HAS3: variants seen among roughly 807,000 people sequenced by gnomAD.
HAS3 encodes the protein hyaluronan synthase 3, also known as HA synthase 3.
A neutral mutation model predicts 50.3 loss-of-function variants in HAS3; 27 were observed. That is an observed-to-expected ratio of 0.54 (90% CI 0.40 to 0.74). HAS3 has a LOEUF of 0.74. Ranked by LOEUF, HAS3 falls within the 30% of genes least tolerant of loss-of-function variation. The probability of loss-of-function intolerance (pLI) is 0.00; values close to 1 mark genes in which losing one functional copy is unlikely to be tolerated. For missense variants in HAS3, 517 were observed against 742.8 expected (o/e 0.70, Z 3.53); for synonymous variants, 339 against 310.9 (o/e 1.09, Z -0.95).
At position 69,116,909 on chromosome 16, in the gene HAS3, C is replaced by G; in HGVS notation, c.*1643C>G. Reference sequence around the variant, plus strand: ...GGACAGCAGACAAGAGGGCAAGCCTCTAGTGTACCAAGTGCTTCCTACAAA... The same window carrying G: ...GGACAGCAGACAAGAGGGCAAGCCTGTAGTGTACCAAGTGCTTCCTACAAA... On this transcript the variant is annotated 3_prime_UTR_variant, in exon 4 of 4. Transcript: ENST00000569188. The G allele has an allele frequency of 3.0e-6, 3 of 985,438 alleles. No individual in the cohort carries two copies. The South Asian group carries it at 1.4e-4, about 46-fold the overall frequency. 61.0% of individuals were successfully genotyped at this position (985,438 alleles called of 1,614,324 possible).
chr16:69,090,714 C>T, the HAS3 span, among the ~76,000 whole-genome samples: 2 of 149,718 alleles, frequency 1.3e-5, no homozygotes, highest in Admixed American at 6.6e-5. Flanking sequence ...ACTACAGGGG[C>T]GTGCTACCAC....
At position 69,114,816 on chromosome 16, in the gene HAS3, C is replaced by T; in HGVS notation, c.1212C>T (p.Gly404=). Residue 404 remains glycine (G), a synonymous_variant, in exon 4 of 4, where the codon GGC becomes GGT. Coordinates refer to ENST00000569188, the MANE Select transcript of HAS3 (RefSeq NM_001199280.2). This position sits in a 1 kb window ranked among gnomAD's most constrained non-coding sequence, Gnocchi z 6.4. ...CGGTTATACAGCTTTTCTACCGGGG[C>T]CGCATCTGGAACATTCTCCTCTTCC... ...IATVIQLFYR[G]RIWNILLFLL... is the part of the protein sequence containing the mutation. 2 of 1,614,110 alleles carry T rather than the reference C, an allele frequency of 1.2e-6. No individual in the cohort carries two copies. The highest frequency in any genetic ancestry group is 1.7e-6 in the Non-Finnish European group (2 of 1,180,018).
chr16:69,105,372 T>C (rs965433383), upstream of HAS3, among the ~76,000 whole-genome samples: 3 of 152,004 alleles, frequency 2.0e-5, no homozygotes, highest in African/African-American at 7.2e-5. Flanking sequence ...ACTCACTTCA[T>C]CTCACTTTAC....
the HAS3 span, among the ~76,000 whole-genome samples, chr16:69,090,765 G>A: frequency 6.6e-6 from 1 of 152,156 alleles, no homozygotes; most frequent in Non-Finnish European, 1.5e-5. Flanking sequence ...TAGAGACAGG[G>A]TTTCGCCATG....
Position 69,115,354 on chromosome 16 carries a change from G to C in HAS3, c.*88G>C. 2 of 1,456,318 alleles carry C rather than the reference G, an allele frequency of 1.4e-6. No individual in the cohort carries two copies. Among genetic ancestry groups the C allele is most frequent in the Non-Finnish European group, 1.8e-6 (2 of 1,110,234 alleles). The allele number at this position is 1,456,318 out of a possible 1,614,324, so 90.2% of individuals were successfully genotyped here. ...AAAAGACAGGGTGGGAGGGAGGAGG[G>C]AGTGCTGTGTTTTAGTCTCTTAATG... is the stretch of plus-strand genomic sequence containing the variant. On this transcript the variant is annotated 3_prime_UTR_variant, in exon 4 of 4. Transcript: ENST00000569188.
chr16:69,096,837 T>C, the HAS3 span, among the ~76,000 whole-genome samples: 1 of 151,728 alleles, frequency 6.6e-6, no homozygotes, highest in Non-Finnish European at 1.5e-5. Flanking sequence ...CAGGATGGGC[T>C]CAATCTCCTG....
chr16:69,110,067 G>A, intron 2 of HAS3, 36 bp downstream of exon 2: 2 of 1,562,474 alleles, frequency 1.3e-6, no homozygotes, highest in Non-Finnish European at 1.7e-6. Flanking sequence ...TGTACATGGG[G>A]ATAAGTCTGG....
Position 69,115,807 on chromosome 16 carries a change from A to C in HAS3, c.*541A>C, listed in dbSNP as rs1490999108. ...CCCAGAAGCCTGATCTTTGGGCATC[A>C]GAAAACAGGGTCCAGGAATGGTGCT... On this transcript the variant is annotated 3_prime_UTR_variant, in exon 4 of 4. Coordinates refer to ENST00000569188, the MANE Select transcript of HAS3 (RefSeq NM_001199280.2). 7.1e-6 allele frequency: 7 copies of C among 985,976 alleles called. No homozygotes were observed. The African/African-American group carries it at 1.0e-4, about 15-fold the overall frequency. 61.1% of individuals were successfully genotyped at this position (985,976 alleles called of 1,614,324 possible).
the HAS3 span, chr16:69,083,949 G>A: frequency 4.1e-6 from 1 of 246,236 alleles, no homozygotes; most frequent in Non-Finnish European, 7.8e-6. Context: ...TGTCTACCTG[G>A]TGAAAGTATA....
At chr16:69,087,354 G>A in the HAS3 span, among the ~76,000 whole-genome samples, 2 of 152,232 alleles carry the variant, frequency 1.3e-5, no homozygotes, top group Admixed American at 1.3e-4. Context: ...GCTTTTTCAG[G>A]TTAGACTTCC....
rs752155032 is a variant in HAS3, at chr16:69,109,824, C to T, written c.429C>T (p.Thr143=). ...TCTTCCACGAGGTGCTGGGCGGCAC[C>T]GAGCAGGCCGGCTTCTTTGTGTGGC... is the stretch of plus-strand genomic sequence containing the variant. ...LDIFHEVLGG[T]EQAGFFVWRS... The change falls in exon 2 of 4, where the codon ACC becomes ACT. Residue 143 remains threonine (T), a synonymous_variant. Coordinates refer to ENST00000569188, the MANE Select transcript of HAS3 (RefSeq NM_001199280.2). This position sits in a 1 kb window ranked among gnomAD's most constrained non-coding sequence, Gnocchi z 5.3. 1.1e-5 allele frequency: 17 copies of T among 1,612,620 alleles called. No homozygotes were observed. Among genetic ancestry groups the T allele is most frequent in the Admixed American group, 8.3e-5 (5 of 60,012 alleles).
chr16:69,109,615 G>A lies in HAS3; in HGVS notation c.220G>A (p.Gly74Ser), dbSNP rs139411224. 53 of 1,611,790 alleles carry A rather than the reference G, an allele frequency of 3.3e-5. No homozygotes were observed. Among genetic ancestry groups the A allele is most frequent in the East Asian group, 1.8e-4 (8 of 44,876 alleles). Residue 74 changes from glycine to serine, a missense_variant, in exon 2 of 4, where the codon GGC (glycine) becomes AGC (serine). Gly to Ser is a moderately conservative substitution (Grantham distance 56, BLOSUM62 0). Coordinates refer to ENST00000569188, the MANE Select transcript of HAS3 (RefSeq NM_001199280.2). This position sits in a 1 kb window ranked among gnomAD's most constrained non-coding sequence, Gnocchi z 5.3. ...GGAGCACCGGCGCATGCGACGTGCC[G>A]GCCAGGCCCTGAAGCTGCCCTCCCC... ...FLEHRRMRRA[G>S]QALKLPSPRR...
At chr16:69,090,242 C>A in the HAS3 span, among the ~76,000 whole-genome samples, 1 of 152,110 alleles carries the variant, frequency 6.6e-6, no homozygotes, top group Admixed American at 6.5e-5. Context: ...GACACATGGT[C>A]GGCGCTGCCT....
In HAS3 at chr16:69,107,419, C is replaced by T; in HGVS notation, c.-1+1632C>T. 1.0e-6 allele frequency: 1 copy of T among 985,464 alleles called. No homozygotes were observed. The allele number at this position is 985,464 out of a possible 1,614,324, so 61.0% of individuals were successfully genotyped here. On this transcript the variant is annotated intron_variant, in intron 1 of 3. Coordinates refer to ENST00000569188, the MANE Select transcript of HAS3 (RefSeq NM_001199280.2). This position sits in a 1 kb window ranked among gnomAD's most constrained non-coding sequence, Gnocchi z 5.5. ...GTACCAGGAAGAGCAGGGCCTGGTC[C>T]GACTGGGATCCCTTGGGTTTTCCGT...
At chr16:69,083,720 G>C in the HAS3 span, 4 of 1,509,566 alleles carry the variant, frequency 2.6e-6, no homozygotes, top group Non-Finnish European at 2.7e-6. Context: ...GCCGTGCCCA[G>C]GTCTTCCAGC....
Position 69,116,509 on chromosome 16 carries a change from A to G in HAS3, c.*1243A>G. On this transcript the variant is annotated 3_prime_UTR_variant, in exon 4 of 4. Transcript: ENST00000569188. Reference sequence around the variant, plus strand: ...TCCCAAAGTGAACTCTCAAATCCAAAATGGTTATCTTTGAGACCATCCATT... The same window carrying G: ...TCCCAAAGTGAACTCTCAAATCCAAGATGGTTATCTTTGAGACCATCCATT... 2 of 985,626 alleles carry G rather than the reference A, an allele frequency of 2.0e-6. No homozygotes were observed. Among genetic ancestry groups the G allele is most frequent in the African/African-American group, 3.5e-5 (2 of 57,362 alleles). 61.1% of individuals were successfully genotyped at this position (985,626 alleles called of 1,614,324 possible).
At chr16:69,102,965 A>G (rs1173920066), upstream of HAS3, among the ~76,000 whole-genome samples, 3 of 151,722 alleles carry the variant, frequency 2.0e-5, no homozygotes, top group Non-Finnish European at 4.4e-5. Flanking sequence ...TTGGCTGGAT[A>G]TGACTCAGAC....
At chr16:69,083,591 T>C in the HAS3 span, 2 of 1,598,770 alleles carry the variant, frequency 1.3e-6, no homozygotes, top group Non-Finnish European at 1.7e-6. Context: ...CTAGAAGAGC[T>C]GGATGACATC....
the HAS3 span, among the ~76,000 whole-genome samples, chr16:69,087,789 G>A: frequency 1.1e-4 from 16 of 142,784 alleles, no homozygotes; most frequent in Non-Finnish European, 1.3e-4. Context: ...TGCAGCATCC[G>A]CCTCCCAGGT....
Sources: allele counts gnomAD v4.1 joint callset (sites outside exome capture counted in the v4.1 genomes callset), GRCh38; gene constraint gnomAD v4.1.1; non-coding constraint Gnocchi (gnomAD v3.1); transcripts MANE v1.5; gene names NCBI Gene and HGNC (gene_info 2026-07-23, HGNC 2026-07-21).